KLF12: variants seen among roughly 807,000 people sequenced by gnomAD.
KLF12 encodes Krueppel-like factor 12.
A neutral mutation model predicts 37.8 loss-of-function variants in KLF12; 9 were observed. The observed-to-expected ratio is 0.24, with a 90% confidence interval of 0.14 to 0.42. The LOEUF (loss-of-function observed/expected upper bound fraction) is 0.42. Ranked by LOEUF, KLF12 falls within the 10% of genes least tolerant of loss-of-function variation. KLF12 has a pLI of 1.00. For missense variants in KLF12, 411 were observed against 516.0 expected (o/e 0.80, Z 1.97); for synonymous variants, 208 against 202.1 (o/e 1.03, Z -0.25).
intron 4 of KLF12, among the ~76,000 whole-genome samples, chr13:73,816,545 A>G (rs1013048718): frequency 6.6e-6 from 1 of 152,234 alleles, no homozygotes; most frequent in Non-Finnish European, 1.5e-5. Flanking sequence ...TCAGAACCCA[A>G]CACCTGAAGT....
At chr13:74,037,347 C>T (rs1346275520) in intron 1 of KLF12, among the ~76,000 whole-genome samples, 1 of 152,104 alleles carries the variant, frequency 6.6e-6, no homozygotes, top group East Asian at 1.9e-4. Context: ...TATCTGCAAC[C>T]CAGCCTGCAG....
intron 1 of KLF12, among the ~76,000 whole-genome samples, chr13:74,087,338 ATT>A (rs34876792): frequency 6.2e-5 from 9 of 145,880 alleles, no homozygotes; most frequent in African/African-American, 1.8e-4. Flanking sequence ...TTTAAAAAAA[ATT>A]TTTTTTTTTT....
chr13:74,198,314 T>C, the KLF12 span, among the ~76,000 whole-genome samples: 6 of 151,906 alleles, frequency 3.9e-5, no homozygotes, highest in Non-Finnish European at 7.4e-5. Flanking sequence ...TTAGAAAAAA[T>C]ATAAAAGAGA....
intron 5 of KLF12, chr13:73,802,217 T>G (rs535192480): frequency 1.1e-4 from 16 of 152,276 alleles, no homozygotes; most frequent in African/African-American, 3.8e-4. Flanking sequence ...ACACATCTTT[T>G]AATGATCAAG....
chr13:73,882,871 T>C (rs951853908), intron 3 of KLF12, among the ~76,000 whole-genome samples: 2 of 152,168 alleles, frequency 1.3e-5, no homozygotes, highest in Admixed American at 6.5e-5. Context: ...AGCAGCCTCA[T>C]GTATAGGGCG....
intron 2 of KLF12, among the ~76,000 whole-genome samples, chr13:73,986,499 CACTT>C (rs1428109875): frequency 6.6e-6 from 1 of 152,198 alleles, no homozygotes; most frequent in African/African-American, 2.4e-5. Flanking sequence ...CAATCACAGT[CACTT>C]ACGTTTTTGA....
At chr13:73,845,738 G>T in intron 4 of KLF12, 89 bp downstream of exon 4, 1 of 1,165,370 alleles carries the variant, frequency 8.6e-7, no homozygotes, top group Non-Finnish European at 1.2e-6. Context: ...TTTAGATGTA[G>T]TGTTTGTATA....
At chr13:73,896,454 C>T (rs896177317) in intron 3 of KLF12, among the ~76,000 whole-genome samples, 2 of 152,000 alleles carry the variant, frequency 1.3e-5, no homozygotes, top group Non-Finnish European at 2.9e-5. Flanking sequence ...ATGGATGAAC[C>T]CTGCTACAGT....
the KLF12 span, among the ~76,000 whole-genome samples, chr13:74,304,159 G>A: frequency 2.0e-5 from 3 of 152,128 alleles, no homozygotes; most frequent in African/African-American, 7.2e-5. Flanking sequence ...TGTGATAAAG[G>A]CACAGGCTTT....
the KLF12 span, among the ~76,000 whole-genome samples, chr13:74,220,474 T>A: frequency 6.6e-6 from 1 of 152,220 alleles, no homozygotes; most frequent in Non-Finnish European, 1.5e-5. Context: ...CAAAGTGGAA[T>A]GGTGAAATCA....
chr13:74,260,254 A>C, the KLF12 span, among the ~76,000 whole-genome samples: 1 of 152,140 alleles, frequency 6.6e-6, no homozygotes, highest in African/African-American at 2.4e-5. Context: ...ACATAGCAAC[A>C]ATTCAAATAG....
chr13:73,774,573 C>T (rs184892567), intron 5 of KLF12, among the ~76,000 whole-genome samples: 27 of 151,944 alleles, frequency 1.8e-4, no homozygotes, highest in Non-Finnish European at 3.2e-4. Flanking sequence ...GTTAATTGTT[C>T]GAGCAACGAT....
At chr13:73,874,371 G>A (rs1459025039) in intron 3 of KLF12, among the ~76,000 whole-genome samples, 6 of 152,150 alleles carry the variant, frequency 3.9e-5, no homozygotes, top group Non-Finnish European at 8.8e-5. Flanking sequence ...TGTTCAATAC[G>A]TTTAAGCAAT....
At chr13:74,119,250 T>C (rs141433152) in intron 1 of KLF12, among the ~76,000 whole-genome samples, 1 of 151,780 alleles carries the variant, frequency 6.6e-6, no homozygotes, top group African/African-American at 2.4e-5. Flanking sequence ...GAGAATCACT[T>C]GAACTTGGGA....
chr13:74,119,070 T>C (rs1877471241), intron 1 of KLF12, among the ~76,000 whole-genome samples: 1 of 152,166 alleles, frequency 6.6e-6, no homozygotes, highest in South Asian at 2.1e-4. Context: ...CAATGGCTCA[T>C]GTCTGTAAAC....
intron 3 of KLF12, among the ~76,000 whole-genome samples, chr13:73,854,458 C>T (rs1160147748): frequency 6.6e-6 from 1 of 152,146 alleles, no homozygotes; most frequent in East Asian, 1.9e-4. Flanking sequence ...AAAACTTGAC[C>T]TCAGAGTGGC....
chr13:73,729,634 G>A (rs1876915174), intron 6 of KLF12, among the ~76,000 whole-genome samples: 1 of 152,112 alleles, frequency 6.6e-6, no homozygotes, highest in Admixed American at 6.5e-5. Context: ...TAAACCTCCT[G>A]TACCATATTT....
At chr13:74,026,855 A>G (rs981525817) in intron 1 of KLF12, among the ~76,000 whole-genome samples, 1 of 152,166 alleles carries the variant, frequency 6.6e-6, no homozygotes, top group Non-Finnish European at 1.5e-5. Flanking sequence ...TTTGTGCTTC[A>G]AGTCGATCAG....
At chr13:73,883,530 T>C (rs1242727362) in intron 3 of KLF12, among the ~76,000 whole-genome samples, 10 of 152,062 alleles carry the variant, frequency 6.6e-5, no homozygotes, top group Non-Finnish European at 1.5e-4. Flanking sequence ...GGAAAATAGA[T>C]GGGGGATACT....
Sources: gnomAD v4.1 joint callset for allele counts (sites outside exome capture counted in the v4.1 genomes callset) on GRCh38, gnomAD v4.1.1 for gene constraint, MANE v1.5 for transcripts, NCBI Gene and HGNC (gene_info 2026-07-23, HGNC 2026-07-21) for gene names.